PPFIBP1: variants seen among roughly 807,000 people sequenced by gnomAD.
PPFIBP1 encodes the protein PPFIB scaffold protein 1, also known as liprin-beta-1.
Under a neutral mutation model 137.8 loss-of-function variants are expected in PPFIBP1, and 112 were observed. The ratio of observed to expected loss-of-function variants is 0.81; its 90% CI spans 0.70 to 0.95. PPFIBP1 has a LOEUF of 0.95. PPFIBP1 is among the 40% of genes least tolerant of loss of function. PPFIBP1 has a pLI of 0.00. For missense variants in PPFIBP1, 1,083 were observed against 1,196.6 expected (o/e 0.91, Z 1.40); for synonymous variants, 378 against 417.3 (o/e 0.91, Z 1.15).
chr12:27,676,874 T>C, intron 18 of PPFIBP1, 190 bp from the exon 19 acceptor site: 1 of 793,968 alleles, frequency 1.3e-6, no homozygotes, highest in Non-Finnish European at 2.1e-6. Context: ...GTTTCCCATC[T>C]GTTGTGATAG....
intron 1 of PPFIBP1, among the ~76,000 whole-genome samples, chr12:27,563,174 G>A (rs1349694390): frequency 6.8e-6 from 1 of 146,980 alleles, no homozygotes; most frequent in Non-Finnish European, 1.5e-5. Context: ...AGGTGTGGTG[G>A]CTCACACCTT....
intron 2 of PPFIBP1, among the ~76,000 whole-genome samples, chr12:27,630,087 GT>G (rs943932904): frequency 4.6e-5 from 7 of 151,970 alleles, no homozygotes; most frequent in African/African-American, 1.4e-4. Context: ...GTGTTACTGA[GT>G]TTTTTTTCCT....
At chr12:27,568,347 A>T (rs80046516) in intron 1 of PPFIBP1, among the ~76,000 whole-genome samples, 2,500 of 152,314 alleles carry the variant, frequency 0.016, 67 homozygotes, top group African/African-American at 0.057. Flanking sequence ...GTATTGGTTG[A>T]CTATTTAAAA....
At chr12:27,594,692 A>G (rs2052984032) in intron 2 of PPFIBP1, among the ~76,000 whole-genome samples, 1 of 152,234 alleles carries the variant, frequency 6.6e-6, no homozygotes, top group African/African-American at 2.4e-5. Context: ...CATTATATAA[A>G]ATTGGAAAAA....
intron 13 of PPFIBP1, among the ~76,000 whole-genome samples, chr12:27,668,789 C>T (rs574101235): frequency 2.0e-5 from 3 of 152,278 alleles, no homozygotes; most frequent in Non-Finnish European, 4.4e-5. Flanking sequence ...CATCATTTTT[C>T]AGAGGTTCAA....
At chr12:27,564,937 C>T (rs970886623) in intron 1 of PPFIBP1, among the ~76,000 whole-genome samples, 10 of 152,198 alleles carry the variant, frequency 6.6e-5, no homozygotes, top group African/African-American at 2.4e-4. Context: ...GTGACCGCTG[C>T]TTCCAGGCTG....
At chr12:27,636,260 A>ATAATTGG (rs1409990430) in intron 4 of PPFIBP1, 37 of 151,522 alleles carry the variant, frequency 2.4e-4, no homozygotes, top group Non-Finnish European at 1.5e-5. Context: ...CACAAACTGG[A>ATAATTGG]GTTATTTTAC....
intron 1 of PPFIBP1, chr12:27,552,587 A>G (rs1946882975): frequency 6.6e-6 from 1 of 152,220 alleles, no homozygotes; most frequent in South Asian, 2.1e-4. Context: ...GTGATTCCAA[A>G]TCGATGTTTC....
chr12:27,684,669 T>C (rs1261981838), intron 24 of PPFIBP1, among the ~76,000 whole-genome samples: 1 of 152,184 alleles, frequency 6.6e-6, no homozygotes, highest in Non-Finnish European at 1.5e-5. Context: ...TTGCTATGTG[T>C]CAAACATCCT....
At chr12:27,623,490 C>T (rs2056529414) in intron 2 of PPFIBP1, among the ~76,000 whole-genome samples, 1 of 152,098 alleles carries the variant, frequency 6.6e-6, no homozygotes, top group Non-Finnish European at 1.5e-5. Context: ...TGCTTGAGCT[C>T]AGGAGTGTGA....
chr12:27,669,764 T>C (rs2060068756), intron 13 of PPFIBP1, among the ~76,000 whole-genome samples: 1 of 152,234 alleles, frequency 6.6e-6, no homozygotes, highest in Admixed American at 6.5e-5. Context: ...CTTCACATTT[T>C]ATAACCTTTT....
chr12:27,623,993 G>A (rs2056580733), intron 2 of PPFIBP1, among the ~76,000 whole-genome samples: 2 of 152,136 alleles, frequency 1.3e-5, no homozygotes, highest in African/African-American at 4.8e-5. Context: ...TAAAATCAGG[G>A]CTGTCATGGA....
Position 27,524,368 on chromosome 12 carries a change from A to T in PPFIBP1, c.-124+3A>T, listed in dbSNP as rs577081661. On this transcript the variant is annotated splice_donor_region_variant and intron_variant, in intron 1 of 29. Coordinates refer to ENST00000228425, the MANE Select transcript of PPFIBP1 (RefSeq NM_003622.4). ...GCCGGCGGCTCTCCACCCCCCAGGTAAGGGCGTTTTGCTCCACTCCCAGAC... is the reference window on the plus strand; with the variant it reads ...GCCGGCGGCTCTCCACCCCCCAGGTTAGGGCGTTTTGCTCCACTCCCAGAC... 7 of 152,296 alleles carry T rather than the reference A, an allele frequency of 4.6e-5. No individual in the cohort carries two copies. In the East Asian group the frequency reaches 1.2e-3, roughly 25 times the overall value. 9.4% of individuals were successfully genotyped at this position (152,296 alleles called of 1,614,324 possible).
At chr12:27,683,403 C>A (rs1450359727) in intron 24 of PPFIBP1, among the ~76,000 whole-genome samples, 10 of 152,162 alleles carry the variant, frequency 6.6e-5, no homozygotes, top group Admixed American at 6.5e-4. Context: ...ATTTTTAAGC[C>A]CAAGCTATCT....
rs140324842 is a variant in PPFIBP1, at chr12:27,648,753, A to G, written c.471+911A>G. Among the ~76,000 whole-genome samples the G allele has an allele frequency of 8.2e-4, 125 of 152,324 alleles. 1 individual carries two copies. The highest frequency in any genetic ancestry group is 3.4e-3 in the Middle Eastern group (1 of 294). On this transcript the variant is annotated intron_variant, in intron 6 of 29. Coordinates refer to ENST00000228425, the MANE Select transcript of PPFIBP1 (RefSeq NM_003622.4). Reference sequence around the variant, plus strand: ...TGTGAAATAAGCCAAGCCCAGAAAAACAAACATCTCACGTTCTTACTTATT... The same window carrying G: ...TGTGAAATAAGCCAAGCCCAGAAAAGCAAACATCTCACGTTCTTACTTATT...
chr12:27,556,232 C>T lies in PPFIBP1; in HGVS notation c.-123-21920C>T, dbSNP rs1755516750. ...CCATATAGATGGCTAATAATATTTTCCATAGCCACCTGGGAGTAACAAAGA... is the reference window on the plus strand; with the variant it reads ...CCATATAGATGGCTAATAATATTTTTCATAGCCACCTGGGAGTAACAAAGA... On this transcript the variant is annotated intron_variant, in intron 1 of 29. Transcript: ENST00000228425. 3.3e-5 allele frequency among the ~76,000 whole-genome samples: 5 copies of T among 152,162 alleles called. No individual in the cohort carries two copies. In the South Asian group the frequency reaches 1.0e-3, roughly 31 times the overall value.
rs1188285253 is a variant in PPFIBP1 at position 27,664,389 on chromosome 12, T to C, written c.934T>C (p.Cys312Arg). ...TCGGAAAATAGAAGATCTTCGACAG[T>C]GCCTGAACAGGTACAAGAAAATGCA... is the stretch of plus-strand genomic sequence containing the variant. Reference protein sequence around the residue: ...KDRKIEDLRQCLNRYKKMQDT... With the variant: ...KDRKIEDLRQRLNRYKKMQDT... The change falls in exon 12 of 30, where the codon TGC becomes CGC. Residue 312 changes from cysteine (C) to arginine (R), a missense_variant. Physicochemically the swap from Cys to Arg is radical, Grantham distance 180. Transcript: ENST00000228425. The C allele has an allele frequency of 1.2e-6, 2 of 1,612,484 alleles. No homozygotes were observed. The highest frequency in any genetic ancestry group is 8.5e-7 in the Non-Finnish European group (1 of 1,178,754).
chr12:27,598,982 A>C (rs890375062), intron 2 of PPFIBP1, among the ~76,000 whole-genome samples: 2 of 152,190 alleles, frequency 1.3e-5, no homozygotes, highest in Non-Finnish European at 2.9e-5. Context: ...TGGATTTATA[A>C]TGTTTTAGGC....
rs1334024187 is a variant in PPFIBP1, at chr12:27,633,381, C to T, written c.-16C>T. 6 of 1,612,400 alleles carry T rather than the reference C, an allele frequency of 3.7e-6. No individual in the cohort carries two copies. Among genetic ancestry groups the T allele is most frequent in the East Asian group, 4.5e-5 (2 of 44,858 alleles). Reference sequence around the variant, plus strand: ...TTTCAGATCTGGGTTGGAATTTGCCCCTGACAAATAATAAAATGATGAGTG... The same window carrying T: ...TTTCAGATCTGGGTTGGAATTTGCCTCTGACAAATAATAAAATGATGAGTG... On this transcript the variant is annotated 5_prime_UTR_variant, in exon 3 of 30. Coordinates refer to ENST00000228425, the MANE Select transcript of PPFIBP1 (RefSeq NM_003622.4).
Sources: gnomAD v4.1 joint callset for allele counts (sites outside exome capture counted in the v4.1 genomes callset) on GRCh38, gnomAD v4.1.1 for gene constraint, MANE v1.5 for transcripts, NCBI Gene and HGNC (gene_info 2026-07-23, HGNC 2026-07-21) for gene names.